Variants in TAS2R1 observed in about 807,000 individuals in gnomAD.
TAS2R1 encodes taste 2 receptor member 1, also known as taste receptor type 2 member 1.
For synonymous variants in TAS2R1, 141 were observed against 134.2 expected (o/e 1.05, Z -0.35); for missense variants, 370 against 353.4 (o/e 1.05, Z -0.38).
At chr5:9,754,725 T>G in the TAS2R1 span, among the ~76,000 whole-genome samples, 2 of 152,252 alleles carry the variant, frequency 1.3e-5, no homozygotes, top group South Asian at 4.2e-4. Context: ...TACAAACCAC[T>G]GCTCAATGAA....
chr5:9,829,199 C>T, the TAS2R1 span, among the ~76,000 whole-genome samples: 2 of 152,144 alleles, frequency 1.3e-5, no homozygotes, highest in Non-Finnish European at 2.9e-5. Context: ...TAGCCAGAGG[C>T]TAAAATTTCT....
the TAS2R1 span, among the ~76,000 whole-genome samples, chr5:9,873,873 A>G: frequency 5.7e-4 from 40 of 69,986 alleles, no homozygotes; most frequent in East Asian, 6.8e-4. Flanking sequence ...TGTCTCGGGG[A>G]AAAAAAAAAA....
the TAS2R1 span, among the ~76,000 whole-genome samples, chr5:9,743,504 G>A: frequency 1.2e-4 from 18 of 152,110 alleles, no homozygotes; most frequent in African/African-American, 4.3e-4. Flanking sequence ...GAAGATTTCT[G>A]GATGGAAACA....
intron 1 of TAS2R1, among the ~76,000 whole-genome samples, chr5:9,703,945 T>A (rs754673833): frequency 1.6e-4 from 25 of 152,240 alleles, no homozygotes; most frequent in Non-Finnish European, 3.4e-4. Context: ...GAGATTCAAC[T>A]TTGCAGTAAT....
chr5:9,777,758 G>A, the TAS2R1 span, among the ~76,000 whole-genome samples: 1 of 152,170 alleles, frequency 6.6e-6, no homozygotes, highest in Non-Finnish European at 1.5e-5. Flanking sequence ...AATAAGACTT[G>A]AAAGTCAAAA....
intron 2 of TAS2R1, among the ~76,000 whole-genome samples, chr5:9,649,023 T>C (rs1740252618): frequency 6.6e-6 from 1 of 152,168 alleles, no homozygotes; most frequent in Non-Finnish European, 1.5e-5. Flanking sequence ...CTAGAAACAC[T>C]TGCTTAATTC....
At chr5:9,879,573 C>T in the TAS2R1 span, among the ~76,000 whole-genome samples, 2 of 152,214 alleles carry the variant, frequency 1.3e-5, no homozygotes, top group Admixed American at 6.5e-5. Flanking sequence ...CGCAAGACAA[C>T]AATCAGCATA....
At chr5:9,633,313 T>TATATATATATATATATATATA (rs1254101852), upstream of TAS2R1, among the ~76,000 whole-genome samples, 8 of 129,010 alleles carry the variant, frequency 6.2e-5, no homozygotes, top group African/African-American at 2.7e-4. Context: ...TATATATATA[T>TATATATATATATATATATATA]ATATATACAC....
the TAS2R1 span, among the ~76,000 whole-genome samples, chr5:9,847,747 G>T: frequency 6.6e-6 from 1 of 152,154 alleles, no homozygotes; most frequent in African/African-American, 2.4e-5. Context: ...CTCCTAGAAG[G>T]TTCCATTAGC....
chr5:9,681,541 A>AC (rs1333385716), intron 1 of TAS2R1, among the ~76,000 whole-genome samples: 1 of 149,798 alleles, frequency 6.7e-6, no homozygotes, highest in African/African-American at 2.5e-5. Flanking sequence ...CAAAAAAAAA[A>AC]AAAAAAAAAG....
At chr5:9,678,257 T>A (rs1034219320) in intron 1 of TAS2R1, among the ~76,000 whole-genome samples, 3 of 151,904 alleles carry the variant, frequency 2.0e-5, no homozygotes. Flanking sequence ...ATCAGAATGG[T>A]GGTGATTAAA....
chr5:9,725,968 C>T, the TAS2R1 span, among the ~76,000 whole-genome samples: 4 of 150,514 alleles, frequency 2.7e-5, no homozygotes, highest in Admixed American at 1.3e-4. Flanking sequence ...GTAAATACAC[C>T]AATCGGCACT....
At chr5:9,678,312 A>T (rs1740919242) in intron 1 of TAS2R1, among the ~76,000 whole-genome samples, 1 of 152,182 alleles carries the variant, frequency 6.6e-6, no homozygotes, top group Non-Finnish European at 1.5e-5. Context: ...GAGAAAAGGG[A>T]ATCCTTTTAT....
chr5:9,766,682 C>T, the TAS2R1 span, among the ~76,000 whole-genome samples: 1 of 152,220 alleles, frequency 6.6e-6, no homozygotes, highest in Non-Finnish European at 1.5e-5. Context: ...CCAAACAGTG[C>T]ACTGTGGTGG....
At chr5:9,667,809 A>T (rs903021774) in intron 1 of TAS2R1, among the ~76,000 whole-genome samples, 4 of 152,204 alleles carry the variant, frequency 2.6e-5, no homozygotes, top group Non-Finnish European at 4.4e-5. Context: ...CTGAAGGAAC[A>T]TCAGCCCACA....
At chr5:9,786,207 G>T in the TAS2R1 span, among the ~76,000 whole-genome samples, 8 of 152,330 alleles carry the variant, frequency 5.3e-5, no homozygotes, top group Non-Finnish European at 1.2e-4. Flanking sequence ...CCTGAGTTGA[G>T]GGAGGACAGT....
the TAS2R1 span, among the ~76,000 whole-genome samples, chr5:9,750,214 C>T: frequency 1.3e-5 from 2 of 152,318 alleles, no homozygotes; most frequent in East Asian, 3.9e-4. Context: ...TGCTCACATA[C>T]TGTCTGCCTC....
the TAS2R1 span, among the ~76,000 whole-genome samples, chr5:9,898,393 A>G: frequency 1.3e-5 from 2 of 152,194 alleles, no homozygotes; most frequent in African/African-American, 4.8e-5. Flanking sequence ...AAATTCTTTA[A>G]GAGAGAGGGA....
the TAS2R1 span, among the ~76,000 whole-genome samples, chr5:9,728,505 G>A: frequency 6.6e-6 from 1 of 152,234 alleles, no homozygotes; most frequent in Non-Finnish European, 1.5e-5. Flanking sequence ...GTAGGAGAAA[G>A]GGTCAGGACT....
Sources: allele counts gnomAD v4.1 joint callset (sites outside exome capture counted in the v4.1 genomes callset), GRCh38; gene constraint gnomAD v4.1.1; transcripts MANE v1.5; gene names NCBI Gene and HGNC (gene_info 2026-07-23, HGNC 2026-07-21).